Variants in PDE8A observed in about 807,000 individuals in gnomAD.
The protein encoded by PDE8A is high affinity cAMP-specific and IBMX-insensitive 3',5'-cyclic phosphodiesterase 8A.
Under a neutral mutation model 105.0 loss-of-function variants are expected in PDE8A, and 59 were observed. The ratio of observed to expected loss-of-function variants is 0.56; its 90% confidence interval spans 0.46 to 0.70. The LOEUF (loss-of-function observed/expected upper bound fraction) is 0.70. PDE8A is among the 30% of genes least tolerant of loss of function. The pLI, the probability that PDE8A is intolerant of heterozygous loss-of-function variation, is 0.00. For missense variants in PDE8A, 1,014 were observed against 1,045.9 expected, an observed-to-expected ratio of 0.97 and a Z score of 0.42; for synonymous variants, 355 against 371.9, an observed-to-expected ratio of 0.95 and a Z score of 0.52.
chr15:85,058,394 T>G (rs796363541), intron 1 of PDE8A, among the ~76,000 whole-genome samples: 3 of 152,316 alleles, frequency 2.0e-5, no homozygotes, highest in African/African-American at 7.2e-5. Context: ...GCCCTAACTT[T>G]GGTATCAAGG....
intron 1 of PDE8A, among the ~76,000 whole-genome samples, chr15:85,002,682 G>C (rs2080085887): frequency 6.6e-6 from 1 of 152,198 alleles, no homozygotes; most frequent in Non-Finnish European, 1.5e-5. Flanking sequence ...AGGTGGGGGA[G>C]GTATGCTGAA....
intron 20 of PDE8A, 106 bp from the exon 21 acceptor site, chr15:85,136,428 A>G: frequency 8.1e-7 from 1 of 1,234,312 alleles, no homozygotes; most frequent in Non-Finnish European, 1.1e-6. Context: ...TCACCATGAC[A>G]AGCCACCTTA....
intron 16 of PDE8A, 91 bp downstream of exon 16, chr15:85,116,210 C>T: frequency 7.4e-7 from 1 of 1,349,550 alleles, no homozygotes; most frequent in Non-Finnish European, 1.0e-6. Flanking sequence ...GTGCACAAGC[C>T]TGGTACCTGG....
intron 3 of PDE8A, among the ~76,000 whole-genome samples, chr15:85,072,442 G>T (rs562373681): frequency 6.6e-6 from 1 of 152,254 alleles, no homozygotes; most frequent in East Asian, 1.9e-4. Flanking sequence ...CTGGGCATAT[G>T]GCTACCTAGA....
At chr15:84,980,625 T>G (rs545775839), upstream of PDE8A, 6 of 152,456 alleles carry the variant, frequency 3.9e-5, no homozygotes, top group East Asian at 1.2e-3. Flanking sequence ...ACAGGATACG[T>G]GATGGACGCC....
intron 1 of PDE8A, among the ~76,000 whole-genome samples, chr15:85,041,633 TATA>T (rs1311661569): frequency 3.3e-5 from 5 of 152,222 alleles, no homozygotes; most frequent in African/African-American, 1.2e-4. Context: ...ATTTTTTTCT[TATA>T]TAAACACCAG....
intron 1 of PDE8A, among the ~76,000 whole-genome samples, chr15:84,984,081 T>TA (rs2079764569): frequency 6.6e-6 from 1 of 152,238 alleles, no homozygotes; most frequent in Admixed American, 6.5e-5. Context: ...ACTGATTTCT[T>TA]AAAAAATTGT....
In PDE8A at chr15:85,021,551, C is replaced by T. The variant is rs540348512; in HGVS notation, c.186+39203C>T. On this transcript the variant is annotated intron_variant, in intron 1 of 21. Transcript: ENST00000394553. ...CCAGCCTAGGCAACTGAGCAGTACC[C>T]TGGCTCTTAAAAAAAAAAAGTTACC... Among the ~76,000 whole-genome samples, 7 of 151,546 alleles carry T rather than the reference C, an allele frequency of 4.6e-5. No homozygotes were observed. The South Asian group carries it at 1.0e-3, about 23-fold the overall frequency.
At chr15:85,062,576 C>G (rs998938615) in intron 1 of PDE8A, 4 of 152,164 alleles carry the variant, frequency 2.6e-5, no homozygotes, top group African/African-American at 7.2e-5. Context: ...TTGTCTGCAC[C>G]TCTGTATCAG....
Position 85,115,780 on chromosome 15 carries a change from G to T in PDE8A, c.1400-204G>T, listed in dbSNP as rs920229578. ...ACTGAAAATACAAAAAATTAGCCAG[G>T]CATGGTGGCAGGTGCCTGTAATCCC... On this transcript the variant is annotated intron_variant, in intron 15 of 21. Coordinates refer to ENST00000394553, the MANE Select transcript of PDE8A (RefSeq NM_002605.3). 17 of 552,336 alleles carry T rather than the reference G, an allele frequency of 3.1e-5. No homozygotes were observed. In the East Asian group the frequency reaches 5.4e-4, roughly 18 times the overall value. The allele number at this position is 552,336 out of a possible 1,614,324, so 34.2% of individuals were successfully genotyped here.
intron 1 of PDE8A, among the ~76,000 whole-genome samples, chr15:85,040,562 AT>A (rs535874533): frequency 0.022 from 2,897 of 132,876 alleles, 39 homozygotes; most frequent in Middle Eastern, 0.058. Context: ...GTGCTTATGT[AT>A]TTTTTTTTTT....
chr15:85,117,928 C>G (rs1303511573), intron 17 of PDE8A, 89 bp downstream of exon 17: 1 of 1,053,896 alleles, frequency 9.5e-7, no homozygotes, highest in Non-Finnish European at 1.5e-6. Flanking sequence ...CATAGCATGA[C>G]TGCTCACGTG....
At chr15:85,091,897 T>C in intron 8 of PDE8A, among the ~76,000 whole-genome samples, 1 of 132,728 alleles carries the variant, frequency 7.5e-6, no homozygotes, top group African/African-American at 3.2e-5. Flanking sequence ...TCCTTTCTGC[T>C]GGACTTTTTT....
chr15:85,039,427 TAA>T (rs567300953), intron 1 of PDE8A, among the ~76,000 whole-genome samples: 9 of 137,068 alleles, frequency 6.6e-5, no homozygotes, highest in Admixed American at 1.5e-4. Context: ...AGATCTTGTC[TAA>T]AAAAAAAAAA....
At chr15:85,022,544 T>A (rs1411307194) in intron 1 of PDE8A, among the ~76,000 whole-genome samples, 54 of 50,606 alleles carry the variant, frequency 1.1e-3, no homozygotes, top group Admixed American at 6.6e-3. Context: ...TGCAAAATTT[T>A]TTTTTTTTTT....
At chr15:85,117,305 A>G (rs1301090394) in intron 16 of PDE8A, among the ~76,000 whole-genome samples, 2 of 152,202 alleles carry the variant, frequency 1.3e-5, no homozygotes, top group Non-Finnish European at 2.9e-5. Flanking sequence ...TAGCCTGGAG[A>G]AAGGGTTATT....
chr15:85,083,959 C>G (rs2081507829), intron 6 of PDE8A, among the ~76,000 whole-genome samples: 1 of 151,940 alleles, frequency 6.6e-6, no homozygotes, highest in African/African-American at 2.4e-5. Context: ...TTAATATACA[C>G]CCCCCCAATC....
chr15:85,117,636 T>C lies in PDE8A; in HGVS notation c.1536-5T>C. 1 of 1,613,220 alleles carries C rather than the reference T, an allele frequency of 6.2e-7. No homozygotes were observed. The highest frequency in any genetic ancestry group is 8.5e-7 in the Non-Finnish European group (1 of 1,179,144). ...CTAATATTGTGGGGTTTTTTCTGTC[T>C]ATAGGCCTTTGATTTATCTTGGTCT... On this transcript the variant is annotated splice_region_variant and splice_polypyrimidine_tract_variant and intron_variant, in intron 16 of 21. Coordinates refer to ENST00000394553, the MANE Select transcript of PDE8A (RefSeq NM_002605.3).
Position 85,104,660 on chromosome 15 carries a change from C to G in PDE8A, c.1037-4393C>G, listed in dbSNP as rs115464166. 7.7e-3 allele frequency among the ~76,000 whole-genome samples: 1,172 copies of G among 152,210 alleles called. 19 individuals carry two copies. The highest frequency in any genetic ancestry group is 0.027 in the African/African-American group (1,105 of 41,534). ...GATATCTAGCTTGGCCACTGGATAA[C>G]ATTAGTTAAAATAACAAGTGCAAAT... On this transcript the variant is annotated intron_variant, in intron 11 of 21. Transcript: ENST00000394553.
Sources: allele counts gnomAD v4.1 joint callset (sites outside exome capture counted in the v4.1 genomes callset), GRCh38; gene constraint gnomAD v4.1.1; transcripts MANE v1.5; gene names NCBI Gene and HGNC (gene_info 2026-07-23, HGNC 2026-07-21).